PTPRT: variants seen among roughly 807,000 people sequenced by gnomAD.
The protein encoded by PTPRT is receptor-type tyrosine-protein phosphatase T.
In PTPRT, 56 loss-of-function variants were observed where a neutral mutation model predicts 176.8. The observed-to-expected ratio is 0.32, with a 90% CI of 0.26 to 0.40. The LOEUF is 0.40. Among genes scored for constraint, PTPRT ranks in the 10% least tolerant of loss-of-function variants. The pLI is 1.00. For synonymous variants in PTPRT, 783 were observed against 739.0 expected (o/e 1.06, Z -0.96); for missense variants, 1,540 against 1,908.2 (o/e 0.81, Z 3.60).
At position 42,174,431 on chromosome 20, in the gene PTPRT, C is replaced by T. The variant is rs923983459; in HGVS notation, c.2492-12889G>A. On this transcript the variant is annotated intron_variant, in intron 16 of 30. Coordinates refer to ENST00000373187, the MANE Select transcript of PTPRT (RefSeq NM_007050.6). The stretch of plus-strand genomic sequence containing the variant: ...GCACAAGAAATGGAAAGCGACTCTG[C>T]ATGTCAGTTCTGTGTTTCACAGAGC... 1.2e-4 allele frequency among the ~76,000 whole-genome samples: 18 copies of T among 152,264 alleles called. 1 individual carries two copies. Among genetic ancestry groups the T allele is most frequent in the African/African-American group, 4.3e-4 (18 of 41,566 alleles).
intron 1 of PTPRT, among the ~76,000 whole-genome samples, chr20:42,985,716 G>T (rs187559081): frequency 2.6e-5 from 4 of 152,150 alleles, no homozygotes; most frequent in Admixed American, 2.0e-4. Context: ...TAGATCAGAG[G>T]TAAAGGGGAG....
intron 9 of PTPRT, among the ~76,000 whole-genome samples, chr20:42,358,795 A>G (rs1296802040): frequency 6.6e-6 from 1 of 152,184 alleles, no homozygotes; most frequent in Non-Finnish European, 1.5e-5. Context: ...GCCCAGTCAT[A>G]TTCTTCCTGG....
intron 1 of PTPRT, among the ~76,000 whole-genome samples, chr20:42,935,529 G>C (rs1008321170): frequency 6.8e-6 from 1 of 146,584 alleles, no homozygotes; most frequent in African/African-American, 2.8e-5. Context: ...TTCAAAGACA[G>C]AGATTATTGA....
chr20:42,386,300 T>C (rs1023152436), intron 9 of PTPRT, among the ~76,000 whole-genome samples: 3 of 152,072 alleles, frequency 2.0e-5, no homozygotes, highest in Non-Finnish European at 4.4e-5. Context: ...AGGGTTAGAT[T>C]TTGTCTTTGG....
intron 1 of PTPRT, among the ~76,000 whole-genome samples, chr20:43,070,113 T>A (rs63064262): frequency 8.5e-5 from 13 of 152,230 alleles, no homozygotes; most frequent in East Asian, 7.7e-4. Flanking sequence ...TATTTTTTTT[T>A]AAACATCTGA....
intron 7 of PTPRT, among the ~76,000 whole-genome samples, chr20:42,495,226 C>T (rs2071632809): frequency 6.6e-6 from 1 of 152,140 alleles, no homozygotes. Context: ...CAGGAAAGTG[C>T]TACACTCTTA....
chr20:42,413,964 C>T (rs1045822524), intron 9 of PTPRT, among the ~76,000 whole-genome samples: 1 of 152,138 alleles, frequency 6.6e-6, no homozygotes, highest in African/African-American at 2.4e-5. Context: ...GGTTCTCTTG[C>T]CTCATCCTCC....
At chr20:43,075,269 C>T (rs942916098) in intron 1 of PTPRT, among the ~76,000 whole-genome samples, 2 of 152,268 alleles carry the variant, frequency 1.3e-5, no homozygotes, top group Non-Finnish European at 2.9e-5. Flanking sequence ...GGTAGCGTTG[C>T]ATGGCAGCGT....
At chr20:42,603,129 T>C (rs2073812431) in intron 7 of PTPRT, among the ~76,000 whole-genome samples, 1 of 152,116 alleles carries the variant, frequency 6.6e-6, no homozygotes, top group Non-Finnish European at 1.5e-5. Flanking sequence ...TACAGTCTAG[T>C]GATGAGTGAC....
At chr20:42,252,999 C>G (rs2056573859) in intron 13 of PTPRT, among the ~76,000 whole-genome samples, 1 of 152,182 alleles carries the variant, frequency 6.6e-6, no homozygotes, top group Admixed American at 6.5e-5. Flanking sequence ...GGAACTTGCC[C>G]TAGACTCTGG....
chr20:42,625,887 T>C (rs1031725047), intron 7 of PTPRT, among the ~76,000 whole-genome samples: 1 of 151,616 alleles, frequency 6.6e-6, no homozygotes, highest in South Asian at 2.1e-4. Context: ...CTTTACCTAA[T>C]CCATTCTGAT....
At chr20:42,599,997 G>T (rs2073747453) in intron 7 of PTPRT, among the ~76,000 whole-genome samples, 2 of 152,146 alleles carry the variant, frequency 1.3e-5, no homozygotes. Flanking sequence ...TCTCAGCCTT[G>T]ATTGCCCTTC....
chr20:42,307,841 T>C (rs889677421), intron 12 of PTPRT, among the ~76,000 whole-genome samples: 3 of 152,124 alleles, frequency 2.0e-5, no homozygotes, highest in Non-Finnish European at 2.9e-5. Flanking sequence ...GAGGTTGGCA[T>C]GAGATACAGG....
chr20:42,353,760 T>C lies in PTPRT; in HGVS notation c.1561-1475A>G, dbSNP rs2058320606. ...ACCTGGTTTGTTCCATTAAAAATAT[T>C]TAATTAGGCTAGGTGTGGTGGCTCA... is the stretch of plus-strand genomic sequence containing the variant. On this transcript the variant is annotated intron_variant, in intron 9 of 30. Coordinates refer to ENST00000373187, the MANE Select transcript of PTPRT (RefSeq NM_007050.6). Among the ~76,000 whole-genome samples, 3 of 152,304 alleles carry C rather than the reference T, an allele frequency of 2.0e-5. No homozygotes were observed. In the South Asian group the frequency reaches 6.2e-4, roughly 32 times the overall value.
At chr20:42,999,738 T>C (rs1455976039) in intron 1 of PTPRT, among the ~76,000 whole-genome samples, 2 of 151,934 alleles carry the variant, frequency 1.3e-5, no homozygotes, top group Non-Finnish European at 2.9e-5. Flanking sequence ...GCCCAGGAAT[T>C]TGTAGCTGCA....
At chr20:43,154,000 A>G (rs1314616017) in intron 1 of PTPRT, among the ~76,000 whole-genome samples, 1 of 152,214 alleles carries the variant, frequency 6.6e-6, no homozygotes, top group Non-Finnish European at 1.5e-5. Context: ...AGGTGAGAAG[A>G]TACTCCAATT....
At chr20:42,361,656 G>C (rs995314296) in intron 9 of PTPRT, among the ~76,000 whole-genome samples, 2 of 151,330 alleles carry the variant, frequency 1.3e-5, no homozygotes, top group African/African-American at 4.9e-5. Context: ...GACAGCCCCA[G>C]CTGAGTCCAG....
chr20:42,079,297 T>C lies in PTPRT; in HGVS notation c.*1582A>G, dbSNP rs7263976. ...TACTAAATTTCCATTTGTGGAGTTA[T>C]CTGCTCAGAAGTTTCTGGCCTTATT... On this transcript the variant is annotated 3_prime_UTR_variant, in exon 31 of 31. Coordinates refer to ENST00000373187, the MANE Select transcript of PTPRT (RefSeq NM_007050.6). 67,002 of 206,026 alleles carry C rather than the reference T, an allele frequency of 0.33. 11,930 individuals carry two copies. The highest frequency in any genetic ancestry group is 0.42 in the South Asian group (2,202 of 5,296). 12.8% of individuals were successfully genotyped at this position (206,026 alleles called of 1,614,324 possible).
At chr20:42,174,679 G>C (rs192468817) in intron 16 of PTPRT, among the ~76,000 whole-genome samples, 4 of 152,262 alleles carry the variant, frequency 2.6e-5, no homozygotes, top group Admixed American at 6.5e-5. Flanking sequence ...AGTCCAATAG[G>C]AAAGACTGAG....
Sources: gnomAD v4.1 joint callset for allele counts (sites outside exome capture counted in the v4.1 genomes callset) on GRCh38, gnomAD v4.1.1 for gene constraint, MANE v1.5 for transcripts, NCBI Gene and HGNC (gene_info 2026-07-23, HGNC 2026-07-21) for gene names.